FBXO42: variants seen among roughly 807,000 people sequenced by gnomAD.
FBXO42 encodes F-box protein 42.
Under a neutral mutation model 71.7 loss-of-function variants are expected in FBXO42, and 12 were observed. The ratio of observed to expected loss-of-function variants is 0.17; its 90% CI spans 0.11 to 0.27. The LOEUF (loss-of-function observed/expected upper bound fraction) is 0.27. Ranked by LOEUF, FBXO42 falls within the 10% of genes least tolerant of loss-of-function variation. The pLI is 1.00. For synonymous variants in FBXO42, 325 were observed against 327.5 expected (o/e 0.99, Z 0.08); for missense variants, 707 against 911.9 (o/e 0.78, Z 2.89).
intron 3 of FBXO42, among the ~76,000 whole-genome samples, chr1:16,305,444 C>T (rs902427248): frequency 6.6e-6 from 1 of 152,046 alleles, no homozygotes; most frequent in Admixed American, 6.6e-5. Flanking sequence ...GGCTGGGTGT[C>T]GTGGCTCACG....
intron 4 of FBXO42, among the ~76,000 whole-genome samples, chr1:16,288,877 G>A (rs2082048904): frequency 6.6e-6 from 1 of 151,380 alleles, no homozygotes; most frequent in Non-Finnish European, 1.5e-5. Context: ...AGAATTGCTT[G>A]AACCCGGGAG....
intron 3 of FBXO42, among the ~76,000 whole-genome samples, chr1:16,304,344 C>T (rs553214194): frequency 1.3e-5 from 2 of 151,978 alleles, no homozygotes; most frequent in Admixed American, 1.3e-4. Context: ...GTCTCAAACT[C>T]CTGACCTCAG....
At chr1:16,266,002 C>T (rs575996250) in intron 4 of FBXO42, among the ~76,000 whole-genome samples, 1 of 151,854 alleles carries the variant, frequency 6.6e-6, no homozygotes, top group East Asian at 1.9e-4. Context: ...TAGTCTTACA[C>T]ACTTCAGACT....
At chr1:16,341,935 T>A (rs1169805384) in intron 1 of FBXO42, among the ~76,000 whole-genome samples, 2 of 135,386 alleles carry the variant, frequency 1.5e-5, no homozygotes, top group East Asian at 4.5e-4. Context: ...CGCGTCATTG[T>A]ACTCAAGCCT....
rs1381873990 is a variant in FBXO42 at position 16,247,605 on chromosome 1, T to C, written c.*3065A>G. ...CCAACACAGTTCCTAGAATAGTTCATGGTTTTCAGCTGTTGCTGTAAAACT... is the reference window on the plus strand; with the variant it reads ...CCAACACAGTTCCTAGAATAGTTCACGGTTTTCAGCTGTTGCTGTAAAACT... On this transcript the variant is annotated 3_prime_UTR_variant, in exon 10 of 10. Coordinates refer to ENST00000375592, the MANE Select transcript of FBXO42 (RefSeq NM_018994.3). The C allele has an allele frequency of 1.3e-5, 2 of 152,248 alleles. No homozygotes were observed. 9.4% of individuals were successfully genotyped at this position (152,248 alleles called of 1,614,324 possible). A position where few individuals can be genotyped will look rare whatever the true frequency, so the allele number is the denominator to read the frequency against.
At chr1:16,330,679 C>G (rs988847541) in intron 1 of FBXO42, among the ~76,000 whole-genome samples, 1 of 152,002 alleles carries the variant, frequency 6.6e-6, no homozygotes, top group East Asian at 1.9e-4. Context: ...CGGTGGCTCA[C>G]GCCTGTAATC....
chr1:16,274,600 T>G (rs1253477664), intron 4 of FBXO42, among the ~76,000 whole-genome samples: 10 of 117,800 alleles, frequency 8.5e-5, no homozygotes, highest in African/African-American at 1.3e-4. Context: ...TTTTTTTTTT[T>G]TTTTTTTTTT....
rs60358251 is a variant in FBXO42, at chr1:16,350,573, CAAAAAAA to C, written c.-18+1675_-18+1681del. Reference sequence around the variant, plus strand: ...TGAAACCCCGTCTCTACTAAAATTACAAAAAAAAAAAAAAAAAAAAAAAAATTAGCGG... The same window carrying C: ...TGAAACCCCGTCTCTACTAAAATTACAAAAAAAAAAAAAAAAAATTAGCGG... On this transcript the variant is annotated intron_variant, in intron 1 of 9. Coordinates refer to ENST00000375592, the MANE Select transcript of FBXO42 (RefSeq NM_018994.3). Among the ~76,000 whole-genome samples, 211 of 66,792 alleles carry C rather than the reference CAAAAAAA, an allele frequency of 3.2e-3. No individual in the cohort carries two copies. In the East Asian group the frequency reaches 0.051, roughly 16 times the overall value. 43.8% of individuals were successfully genotyped at this position (66,792 alleles called of 152,430 possible).
In FBXO42 at chr1:16,294,817, T is replaced by C; in HGVS notation, c.468A>G (p.Leu156=). 1.2e-6 allele frequency: 2 copies of C among 1,614,124 alleles called. No individual in the cohort carries two copies. The highest frequency in any genetic ancestry group is 2.2e-5 in the East Asian group (1 of 44,876). The change falls in exon 4 of 10, where the codon CTA becomes CTG. Residue 156 remains leucine (L), a synonymous_variant. Coordinates refer to ENST00000375592, the MANE Select transcript of FBXO42 (RefSeq NM_018994.3). ...AAGGTCGGATCCACTCTTTGCTGTT[T>C]AGGTCAAGTCTCCAGAGGTCATTGA... ...AAFNDLWRLD[L]NSKEWIRPLA...
intron 4 of FBXO42, among the ~76,000 whole-genome samples, chr1:16,285,745 T>C (rs577877279): frequency 6.6e-6 from 1 of 152,332 alleles, no homozygotes; most frequent in South Asian, 2.1e-4. Flanking sequence ...TTTCCTCATA[T>C]GCTGGCTTCC....
chr1:16,341,629 A>C (rs866652083), intron 1 of FBXO42, among the ~76,000 whole-genome samples: 1 of 149,852 alleles, frequency 6.7e-6, no homozygotes, highest in Admixed American at 6.7e-5. Context: ...AAAAAAAAAA[A>C]AAAAAGTGGC....
chr1:16,317,776 C>T (rs539000806), intron 1 of FBXO42, among the ~76,000 whole-genome samples: 8 of 151,782 alleles, frequency 5.3e-5, no homozygotes, highest in African/African-American at 1.7e-4. Context: ...AATAATTAAC[C>T]GGGTGTGCTG....
At chr1:16,257,110 A>G (rs549085909) in intron 4 of FBXO42, among the ~76,000 whole-genome samples, 2 of 152,272 alleles carry the variant, frequency 1.3e-5, no homozygotes, top group South Asian at 4.1e-4. Flanking sequence ...TGGCACATAG[A>G]AAGTGCTCAA....
chr1:16,274,705 C>T (rs2081881405), intron 4 of FBXO42, among the ~76,000 whole-genome samples: 1 of 149,252 alleles, frequency 6.7e-6, no homozygotes, highest in African/African-American at 2.5e-5. Context: ...GATTCTCCTG[C>T]CTCAGCCTCG....
chr1:16,271,246 C>CGTGTGTGTGTTG (rs1171137895), intron 4 of FBXO42, among the ~76,000 whole-genome samples: 5 of 131,644 alleles, frequency 3.8e-5, no homozygotes, highest in African/African-American at 1.4e-4. Context: ...CTACTGTGTG[C>CGTGTGTGTGTTG]GTGTGTGTGT....
At chr1:16,288,892 A>G (rs1029794419) in intron 4 of FBXO42, among the ~76,000 whole-genome samples, 1 of 150,890 alleles carries the variant, frequency 6.6e-6, no homozygotes, top group African/African-American at 2.4e-5. Context: ...CGGGAGGCAG[A>G]GGCTGTAGTG....
chr1:16,348,087 TTGTC>T (rs1223984915), intron 1 of FBXO42, among the ~76,000 whole-genome samples: 2 of 152,230 alleles, frequency 1.3e-5, no homozygotes, highest in Admixed American at 6.5e-5. Flanking sequence ...TTTAAATGAC[TTGTC>T]TGTAAGTCAT....
At chr1:16,296,024 T>C (rs933692131) in intron 3 of FBXO42, among the ~76,000 whole-genome samples, 1 of 152,184 alleles carries the variant, frequency 6.6e-6, no homozygotes, top group Non-Finnish European at 1.5e-5. Flanking sequence ...TCACCAGGCA[T>C]TCCTAAGAAA....
intron 4 of FBXO42, among the ~76,000 whole-genome samples, chr1:16,282,413 A>G (rs1331134467): frequency 1.3e-5 from 2 of 151,270 alleles, no homozygotes; most frequent in Admixed American, 6.6e-5. Flanking sequence ...TTTAGCAGAG[A>G]CGGGGTTTTG....
Sources: gnomAD v4.1 joint callset for allele counts (sites outside exome capture counted in the v4.1 genomes callset) on GRCh38, gnomAD v4.1.1 for gene constraint, MANE v1.5 for transcripts, NCBI Gene and HGNC (gene_info 2026-07-23, HGNC 2026-07-21) for gene names.